The following NTM variants were observed in gnomAD, a reference collection of about 807,000 sequenced individuals.
NTM encodes IgLON family member 2.
NTM carries 13 observed loss-of-function variants against 42.1 expected under a neutral mutation model. The ratio of observed to expected loss-of-function variants is 0.31; its 90% CI spans 0.20 to 0.49. The LOEUF (loss-of-function observed/expected upper bound fraction) is 0.49. Among genes scored for constraint, NTM ranks in the 20% least tolerant of loss-of-function variants. The pLI, the probability that NTM is intolerant of heterozygous loss-of-function variation, is 0.99. For synonymous variants in NTM, 187 were observed against 179.2 expected, an observed-to-expected ratio of 1.04 and a Z score of -0.35; for missense variants, 373 against 452.8, an observed-to-expected ratio of 0.82 and a Z score of 1.60.
intron 3 of NTM, among the ~76,000 whole-genome samples, chr11:132,190,440 T>C (rs958114060): frequency 6.6e-6 from 1 of 152,080 alleles, no homozygotes; most frequent in Non-Finnish European, 1.5e-5. Flanking sequence ...CCTTAGCATC[T>C]TTAAGAGATA....
At chr11:132,045,654 G>A (rs1019623561) in intron 2 of NTM, among the ~76,000 whole-genome samples, 3 of 152,126 alleles carry the variant, frequency 2.0e-5, no homozygotes, top group African/African-American at 7.2e-5. Flanking sequence ...CCAAATATGA[G>A]TACAGCTAGA....
chr11:131,789,702 A>G (rs986490436), intron 1 of NTM, among the ~76,000 whole-genome samples: 4 of 151,116 alleles, frequency 2.6e-5, no homozygotes, highest in Non-Finnish European at 5.9e-5. Flanking sequence ...CTCGCCTGTA[A>G]TCCCAGCACT....
chr11:131,653,759 TC>T (rs748073917), intron 1 of NTM, among the ~76,000 whole-genome samples: 1 of 151,868 alleles, frequency 6.6e-6, no homozygotes, highest in African/African-American at 2.4e-5. Context: ...CTCAGAGGGC[TC>T]CCCCCGCGGC....
At position 131,593,432 on chromosome 11, in the gene NTM, A is replaced by G. The variant is rs571213471; in HGVS notation, c.82+222544A>G. Among the ~76,000 whole-genome samples the G allele has an allele frequency of 6.6e-5, 10 of 152,330 alleles. No individual in the cohort carries two copies. In the East Asian group the frequency reaches 1.7e-3, roughly 26 times the overall value. On this transcript the variant is annotated intron_variant, in intron 1 of 8. Coordinates refer to ENST00000683400, the MANE Select transcript of NTM (RefSeq NM_001352005.2). ...GACTTCCCAACCCATCGTGTCAGGCAGGGGACTGAGCCTCACCAGGGTCCA... is the reference window on the plus strand; with the variant it reads ...GACTTCCCAACCCATCGTGTCAGGCGGGGGACTGAGCCTCACCAGGGTCCA...
rs188560346 is a variant in NTM at position 131,591,611 on chromosome 11, C to T, written c.82+220723C>T. The stretch of plus-strand genomic sequence containing the variant: ...GAGCCAAGGCTTGAGATTTGCTCCC[C>T]GAAAGGGTCACTGATAAAGAAAACC... On this transcript the variant is annotated intron_variant, in intron 1 of 8. Transcript: ENST00000683400. Among the ~76,000 whole-genome samples, 27 of 152,312 alleles carry T rather than the reference C, an allele frequency of 1.8e-4. No homozygotes were observed. In the East Asian group the frequency reaches 4.2e-3, roughly 24 times the overall value.
chr11:131,393,702 C>T (rs1376672674), intron 1 of NTM, among the ~76,000 whole-genome samples: 2 of 152,222 alleles, frequency 1.3e-5, no homozygotes, highest in Admixed American at 6.5e-5. Flanking sequence ...TCCGCCCCTC[C>T]TTCCTTCCCT....
chr11:132,247,792 C>T (rs2091392520), intron 4 of NTM, among the ~76,000 whole-genome samples: 1 of 152,154 alleles, frequency 6.6e-6, no homozygotes, highest in Admixed American at 6.5e-5. Context: ...CTGTCTCTTT[C>T]TCTATCCCTG....
At chr11:131,755,893 C>T (rs891198825) in intron 1 of NTM, among the ~76,000 whole-genome samples, 3 of 152,182 alleles carry the variant, frequency 2.0e-5, no homozygotes, top group African/African-American at 4.8e-5. Context: ...AAATTTTATT[C>T]GAGGAGAGGC....
At chr11:131,409,936 A>G (rs1245622681) in intron 1 of NTM, among the ~76,000 whole-genome samples, 1 of 152,162 alleles carries the variant, frequency 6.6e-6, no homozygotes, top group Non-Finnish European at 1.5e-5. Context: ...ACAGCATCTC[A>G]GCAATTAATA....
intron 1 of NTM, among the ~76,000 whole-genome samples, chr11:131,704,999 A>G (rs183970080): frequency 4.9e-4 from 74 of 152,286 alleles, no homozygotes; most frequent in Non-Finnish European, 2.9e-5. Context: ...CAAGGAACCA[A>G]TATACACATT....
chr11:131,807,845 C>T (rs1424679463), intron 1 of NTM, among the ~76,000 whole-genome samples: 3 of 152,088 alleles, frequency 2.0e-5, no homozygotes, highest in African/African-American at 7.2e-5. Context: ...ATTTGCATAA[C>T]GACTACGACT....
chr11:131,643,016 A>G (rs1565366510), intron 1 of NTM, among the ~76,000 whole-genome samples: 1 of 151,562 alleles, frequency 6.6e-6, no homozygotes, highest in Non-Finnish European at 1.5e-5. Flanking sequence ...GCTCAGAATT[A>G]ATATTTTACA....
At chr11:131,620,669 C>T (rs1190562121) in intron 1 of NTM, among the ~76,000 whole-genome samples, 11 of 152,182 alleles carry the variant, frequency 7.2e-5, no homozygotes, top group Non-Finnish European at 1.3e-4. Context: ...ATGGGCTGCT[C>T]GCTGACTTCA....
intron 1 of NTM, among the ~76,000 whole-genome samples, chr11:131,652,205 G>A (rs562922547): frequency 1.2e-4 from 19 of 152,302 alleles, no homozygotes; most frequent in African/African-American, 4.3e-4. Context: ...GAGGATCAAA[G>A]AGCCTAAGAA....
At chr11:132,184,484 A>G (rs1402439933) in intron 3 of NTM, among the ~76,000 whole-genome samples, 1 of 152,170 alleles carries the variant, frequency 6.6e-6, no homozygotes, top group Non-Finnish European at 1.5e-5. Context: ...AGATTGGCTT[A>G]AGGTGGAGAG....
chr11:131,371,071 G>C lies in NTM; in HGVS notation c.82+183G>C, dbSNP rs1423445540. ...GCTGTGAGAATATTGATTTGATTCTGGCTGCTACCGGAATGGGGGAATATG... is the reference window on the plus strand; with the variant it reads ...GCTGTGAGAATATTGATTTGATTCTCGCTGCTACCGGAATGGGGGAATATG... On this transcript the variant is annotated intron_variant, in intron 1 of 8. Coordinates refer to ENST00000683400, the MANE Select transcript of NTM (RefSeq NM_001352005.2). The C allele has an allele frequency of 4.1e-6, 4 of 985,294 alleles. No homozygotes were observed. In the African/African-American group the frequency reaches 7.0e-5, roughly 17 times the overall value. The allele number at this position is 985,294 out of a possible 1,614,324, so 61.0% of individuals were successfully genotyped here.
intron 1 of NTM, chr11:131,796,135 A>G: frequency 2.0e-6 from 2 of 985,362 alleles, no homozygotes; most frequent in Non-Finnish European, 2.4e-6. Flanking sequence ...AAGTTGAAGG[A>G]CTGGAAGGGC....
At chr11:131,566,330 A>G in intron 1 of NTM, among the ~76,000 whole-genome samples, 1 of 152,162 alleles carries the variant, frequency 6.6e-6, no homozygotes, top group South Asian at 2.1e-4. Flanking sequence ...TTCCTTTACA[A>G]GGATGTAAAA....
chr11:131,591,651 T>C (rs1384828936), intron 1 of NTM, among the ~76,000 whole-genome samples: 1 of 152,220 alleles, frequency 6.6e-6, no homozygotes, highest in Non-Finnish European at 1.5e-5. Context: ...CTCTGTTGCC[T>C]TCAGTGTGTC....
Sources: allele counts gnomAD v4.1 joint callset (sites outside exome capture counted in the v4.1 genomes callset), GRCh38; gene constraint gnomAD v4.1.1; transcripts MANE v1.5; gene names NCBI Gene and HGNC (gene_info 2026-07-23, HGNC 2026-07-21).